Variants in DCC observed in about 807,000 individuals in gnomAD.
DCC encodes the protein netrin receptor DCC.
DCC carries 58 observed loss-of-function variants against 172.5 expected under a neutral mutation model. The observed-to-expected ratio is 0.34, with a 90% CI of 0.27 to 0.42. DCC has a LOEUF of 0.42. DCC is among the 10% of genes least tolerant of loss of function. The pLI is 1.00. For synonymous variants in DCC, 709 were observed against 644.5 expected (o/e 1.10, Z -1.52); for missense variants, 1,740 against 1,791.0 (o/e 0.97, Z 0.51).
chr18:53,443,433 C>A (rs1055530616), intron 22 of DCC, among the ~76,000 whole-genome samples: 16 of 152,134 alleles, frequency 1.1e-4, no homozygotes, highest in African/African-American at 3.6e-4. Flanking sequence ...ATTGCTTAGA[C>A]AAAAAGATTC....
At chr18:52,991,501 C>T (rs1031539187) in intron 5 of DCC, among the ~76,000 whole-genome samples, 3 of 152,134 alleles carry the variant, frequency 2.0e-5, no homozygotes, top group African/African-American at 7.2e-5. Flanking sequence ...GTGGTTTATT[C>T]TGCCAACCCC....
At chr18:52,915,950 T>A (rs1012843006) in intron 3 of DCC, among the ~76,000 whole-genome samples, 1 of 152,074 alleles carries the variant, frequency 6.6e-6, no homozygotes, top group Non-Finnish European at 1.5e-5. Flanking sequence ...CTTGAGATGC[T>A]TTCAGGGGAT....
intron 27 of DCC, among the ~76,000 whole-genome samples, chr18:53,505,941 T>C (rs530306038): frequency 5.3e-4 from 81 of 152,294 alleles, no homozygotes; most frequent in African/African-American, 1.9e-3. Flanking sequence ...ATTTTGAAAA[T>C]AAAGCATCTT....
At chr18:53,218,329 A>G (rs568158674) in intron 12 of DCC, among the ~76,000 whole-genome samples, 21 of 152,270 alleles carry the variant, frequency 1.4e-4, no homozygotes, top group African/African-American at 4.8e-4. Context: ...ATCTCTGTAC[A>G]TAAAACTGAG....
intron 5 of DCC, among the ~76,000 whole-genome samples, chr18:53,062,784 A>T (rs970511005): frequency 5.9e-5 from 9 of 152,286 alleles, no homozygotes; most frequent in African/African-American, 1.9e-4. Context: ...ATGTGGCCAC[A>T]GTAAAGATGA....
At position 53,527,396 on chromosome 18, in the gene DCC, T is replaced by G. The variant is rs558496262; in HGVS notation, c.4254+637T>G. Among the ~76,000 whole-genome samples, 29 of 151,888 alleles carry G rather than the reference T, an allele frequency of 1.9e-4. No homozygotes were observed. In the East Asian group the frequency reaches 4.6e-3, roughly 24 times the overall value. On this transcript the variant is annotated intron_variant, in intron 28 of 28. Coordinates refer to ENST00000442544, the MANE Select transcript of DCC (RefSeq NM_005215.4). The stretch of plus-strand genomic sequence containing the variant: ...ACTACACCAACTTATACAGTTATTC[T>G]CTAAAATTAAAAAAATATAGTGACA...
At chr18:52,915,883 G>A (rs776282146) in intron 3 of DCC, among the ~76,000 whole-genome samples, 55 of 152,022 alleles carry the variant, frequency 3.6e-4, no homozygotes, top group Non-Finnish European at 6.2e-4. Context: ...TTAATTTTAT[G>A]AGACTGTGTC....
chr18:52,523,337 T>G (rs1258443552), intron 1 of DCC, among the ~76,000 whole-genome samples: 1 of 150,980 alleles, frequency 6.6e-6, no homozygotes, highest in Non-Finnish European at 1.5e-5. Context: ...GTTGATCAAA[T>G]GCAAGTAGTT....
At chr18:53,144,111 G>T (rs4603635) in intron 7 of DCC, among the ~76,000 whole-genome samples, 152,242 of 152,344 alleles carry the variant, frequency 1, 76,071 homozygotes, top group Non-Finnish European at 1. Flanking sequence ...CTTTGAATAG[G>T]TTGATATGTA....
At chr18:53,312,504 A>G (rs1183201094) in intron 13 of DCC, among the ~76,000 whole-genome samples, 1 of 146,090 alleles carries the variant, frequency 6.8e-6, no homozygotes, top group African/African-American at 2.6e-5. Context: ...TAGATCTAAG[A>G]TAACAGCTTT....
At chr18:52,923,093 C>G (rs2040149102) in intron 3 of DCC, among the ~76,000 whole-genome samples, 2 of 152,100 alleles carry the variant, frequency 1.3e-5, no homozygotes, top group Non-Finnish European at 2.9e-5. Flanking sequence ...CAAACTCACT[C>G]TTTGAAATGT....
At chr18:53,455,843 A>G (rs1002042727) in intron 23 of DCC, among the ~76,000 whole-genome samples, 8 of 152,236 alleles carry the variant, frequency 5.3e-5, no homozygotes, top group Non-Finnish European at 1.2e-4. Flanking sequence ...GAGCCATGCC[A>G]TGTTACAATC....
chr18:52,985,857 T>C (rs543415421), intron 5 of DCC, among the ~76,000 whole-genome samples: 307 of 152,258 alleles, frequency 2.0e-3, no homozygotes, highest in Non-Finnish European at 3.7e-3. Flanking sequence ...CCCTTTCTTC[T>C]TGGACTTCTC....
At chr18:53,224,459 T>C (rs1453433236) in intron 12 of DCC, among the ~76,000 whole-genome samples, 3 of 152,110 alleles carry the variant, frequency 2.0e-5, no homozygotes, top group Non-Finnish European at 4.4e-5. Context: ...ATGAAAAGCA[T>C]ATTGAAAGGA....
At chr18:53,095,422 C>A (rs1599128270) in intron 7 of DCC, among the ~76,000 whole-genome samples, 1 of 152,166 alleles carries the variant, frequency 6.6e-6, no homozygotes, top group East Asian at 1.9e-4. Flanking sequence ...GAACATGAAA[C>A]AAAACTATAT....
At chr18:52,395,337 G>A (rs1473294874) in intron 1 of DCC, among the ~76,000 whole-genome samples, 2 of 152,064 alleles carry the variant, frequency 1.3e-5, no homozygotes, top group African/African-American at 2.4e-5. Context: ...CAAACAAGTA[G>A]TGGGTTGTTT....
At position 52,517,787 on chromosome 18, in the gene DCC, C is replaced by A. The variant is rs186822693; in HGVS notation, c.91+176909C>A. 8.5e-4 allele frequency among the ~76,000 whole-genome samples: 129 copies of A among 152,232 alleles called. 1 individual carries two copies. Among genetic ancestry groups the A allele is most frequent in the African/African-American group, 2.9e-3 (120 of 41,542 alleles). ...GTTCCATGGAGAACCACTATCCTGA[C>A]TTCTGATACCATAAATTAATGCTTA... On this transcript the variant is annotated intron_variant, in intron 1 of 28. Transcript: ENST00000442544.
Position 52,697,578 on chromosome 18 carries a change from T to C in DCC, c.92-54476T>C, listed in dbSNP as rs369651565. On this transcript the variant is annotated intron_variant, in intron 1 of 28. Coordinates refer to ENST00000442544, the MANE Select transcript of DCC (RefSeq NM_005215.4). ...AACTTAAAAATCTAAAAATGGAATA[T>C]GTAAAACCCAATAGTACATACAGAG... Among the ~76,000 whole-genome samples, 13 of 152,344 alleles carry C rather than the reference T, an allele frequency of 8.5e-5. No individual in the cohort carries two copies. The South Asian group carries it at 1.7e-3, about 19-fold the overall frequency.
At chr18:52,763,598 GATTTGTTT>G (rs2037196854) in intron 2 of DCC, among the ~76,000 whole-genome samples, 1 of 152,110 alleles carries the variant, frequency 6.6e-6, no homozygotes, top group Non-Finnish European at 1.5e-5. Context: ...GAATATCTGG[GATTTGTTT>G]ATTTGTTTTT....
Sources: allele counts gnomAD v4.1 joint callset (sites outside exome capture counted in the v4.1 genomes callset), GRCh38; gene constraint gnomAD v4.1.1; transcripts MANE v1.5; gene names NCBI Gene and HGNC (gene_info 2026-07-23, HGNC 2026-07-21).